Variants in UVRAG observed in about 807,000 individuals in gnomAD.
The protein encoded by UVRAG is UV radiation resistance associated, also known as UV radiation resistance-associated gene protein.
Under a neutral mutation model 78.0 loss-of-function variants are expected in UVRAG, and 19 were observed. The ratio of observed to expected loss-of-function variants is 0.24; its 90% CI spans 0.17 to 0.36. UVRAG has a LOEUF of 0.36. UVRAG is among the 10% of genes least tolerant of loss of function. The pLI, the probability that UVRAG is intolerant of heterozygous loss-of-function variation, is 1.00. For missense variants in UVRAG, 740 were observed against 853.8 expected, an observed-to-expected ratio of 0.87 and a Z score of 1.66; for synonymous variants, 323 against 324.6, an observed-to-expected ratio of 1.00 and a Z score of 0.05.
At chr11:76,073,449 A>T (rs920739732) in intron 13 of UVRAG, among the ~76,000 whole-genome samples, 14 of 152,214 alleles carry the variant, frequency 9.2e-5, no homozygotes, top group Admixed American at 2.6e-4. Context: ...AGGATTTTAA[A>T]TGAAAATTAG....
chr11:76,002,857 C>A (rs1183108273), intron 8 of UVRAG, among the ~76,000 whole-genome samples: 1 of 152,086 alleles, frequency 6.6e-6, no homozygotes, highest in East Asian at 1.9e-4. Flanking sequence ...AGGCGGATGG[C>A]TTGAGCTCAG....
intron 5 of UVRAG, among the ~76,000 whole-genome samples, chr11:75,910,946 C>T (rs949774529): frequency 3.9e-5 from 6 of 152,076 alleles, no homozygotes; most frequent in African/African-American, 1.4e-4. Flanking sequence ...ATTGTTAATA[C>T]TCTTTTTGAG....
intron 6 of UVRAG, among the ~76,000 whole-genome samples, chr11:75,953,382 A>C (rs1349048267): frequency 6.6e-6 from 1 of 152,322 alleles, no homozygotes; most frequent in Middle Eastern, 3.4e-3. Flanking sequence ...TGCCTTCAGA[A>C]TAAAAATCTA....
In UVRAG at chr11:76,090,775, A is replaced by G. The variant is rs556515217; in HGVS notation, c.1305+24987A>G. 5.9e-5 allele frequency among the ~76,000 whole-genome samples: 9 copies of G among 152,224 alleles called. No homozygotes were observed. In the South Asian group the frequency reaches 1.2e-3, roughly 21 times the overall value. On this transcript the variant is annotated intron_variant, in intron 13 of 14. Coordinates refer to ENST00000356136, the MANE Select transcript of UVRAG (RefSeq NM_003369.4). ...TCCTAAATTCTCTACCAGTTATCTAATCACCTCTCAAGATATTCAGACATG... is the reference window on the plus strand; with the variant it reads ...TCCTAAATTCTCTACCAGTTATCTAGTCACCTCTCAAGATATTCAGACATG...
chr11:76,032,041 A>G (rs571597471), intron 12 of UVRAG, among the ~76,000 whole-genome samples: 1 of 152,284 alleles, frequency 6.6e-6, no homozygotes, highest in African/African-American at 2.4e-5. Context: ...GAATGGGAGA[A>G]TGAGGGTAAT....
chr11:75,884,222 CTCTCTCTCTCTCTCTCTT>C (rs1947023176), intron 4 of UVRAG, among the ~76,000 whole-genome samples: 1 of 151,196 alleles, frequency 6.6e-6, no homozygotes, highest in East Asian at 1.9e-4. Flanking sequence ...GTCTCTCTCT[CTCTCTCTCTCTCTCTCTT>C]TCTCTCTCTC....
At chr11:75,860,066 TC>T (rs1946384545) in intron 2 of UVRAG, among the ~76,000 whole-genome samples, 1 of 152,226 alleles carries the variant, frequency 6.6e-6, no homozygotes, top group South Asian at 2.1e-4. Context: ...TGCCTCAGCC[TC>T]CCCAGTAGCT....
chr11:75,973,524 T>A (rs906440446), intron 7 of UVRAG, among the ~76,000 whole-genome samples: 8 of 152,172 alleles, frequency 5.3e-5, no homozygotes, highest in African/African-American at 1.7e-4. Context: ...TTCATCAACT[T>A]CTAATTTCTG....
At chr11:75,948,205 C>T (rs1387578635) in intron 6 of UVRAG, among the ~76,000 whole-genome samples, 1 of 151,938 alleles carries the variant, frequency 6.6e-6, no homozygotes, top group African/African-American at 2.4e-5. Flanking sequence ...ATTATTGATA[C>T]ACTAAGACTT....
intron 14 of UVRAG, among the ~76,000 whole-genome samples, chr11:76,127,446 G>A (rs1445312376): frequency 2.6e-5 from 4 of 152,068 alleles, no homozygotes; most frequent in Non-Finnish European, 5.9e-5. Flanking sequence ...CTGAGGTCAG[G>A]AGTTCGAGAC....
intron 14 of UVRAG, among the ~76,000 whole-genome samples, chr11:76,124,300 A>G (rs1382159444): frequency 6.6e-6 from 1 of 152,250 alleles, no homozygotes; most frequent in African/African-American, 2.4e-5. Context: ...GAAAGATTCA[A>G]AAGTGTAAGA....
At chr11:76,078,565 G>A (rs1434992024) in intron 13 of UVRAG, among the ~76,000 whole-genome samples, 1 of 151,716 alleles carries the variant, frequency 6.6e-6, no homozygotes, top group East Asian at 1.9e-4. Flanking sequence ...TCAAAAAGGT[G>A]GATGAAATGA....
intron 7 of UVRAG, among the ~76,000 whole-genome samples, chr11:75,970,748 A>T (rs2135236512): frequency 6.6e-6 from 1 of 151,996 alleles, no homozygotes; most frequent in Middle Eastern, 3.4e-3. Flanking sequence ...AAAAAAAAAA[A>T]AAAATTAGGC....
At chr11:75,999,623 C>T (rs1949773399) in intron 8 of UVRAG, among the ~76,000 whole-genome samples, 2 of 152,110 alleles carry the variant, frequency 1.3e-5, no homozygotes, top group Admixed American at 1.3e-4. Context: ...TTGTGATCTG[C>T]CCGCCTTGGC....
intron 1 of UVRAG, among the ~76,000 whole-genome samples, chr11:75,832,299 C>T (rs1278982173): frequency 4.6e-5 from 7 of 152,188 alleles, no homozygotes; most frequent in African/African-American, 9.6e-5. Flanking sequence ...CTCCCACAGA[C>T]GTCAGTCCCA....
At chr11:75,941,878 C>T (rs1948491255) in intron 6 of UVRAG, among the ~76,000 whole-genome samples, 1 of 152,124 alleles carries the variant, frequency 6.6e-6, no homozygotes, top group East Asian at 1.9e-4. Context: ...CCTGAAAGTA[C>T]AGAATCCTGG....
At chr11:76,020,471 T>C (rs1439716253) in intron 12 of UVRAG, among the ~76,000 whole-genome samples, 4 of 151,988 alleles carry the variant, frequency 2.6e-5, no homozygotes, top group Non-Finnish European at 2.9e-5. Flanking sequence ...GACTTGGTCC[T>C]TCCTTTTAAG....
At chr11:76,119,882 A>G (rs996446544) in intron 14 of UVRAG, among the ~76,000 whole-genome samples, 1 of 152,222 alleles carries the variant, frequency 6.6e-6, no homozygotes, top group Non-Finnish European at 1.5e-5. Context: ...TTCAGTGGCA[A>G]GAGTGAAATC....
intron 8 of UVRAG, among the ~76,000 whole-genome samples, chr11:76,003,312 C>T (rs1949858825): frequency 7.5e-6 from 1 of 132,500 alleles, no homozygotes; most frequent in South Asian, 2.4e-4. Context: ...CGTTCTCTTG[C>T]CCAGGCTGGA....
Sources: gnomAD v4.1 joint callset for allele counts (sites outside exome capture counted in the v4.1 genomes callset) on GRCh38, gnomAD v4.1.1 for gene constraint, MANE v1.5 for transcripts, NCBI Gene and HGNC (gene_info 2026-07-23, HGNC 2026-07-21) for gene names.